The following BCL2 variants were observed in gnomAD, a reference collection of about 807,000 sequenced individuals.
BCL2 encodes BCL2 apoptosis regulator.
A neutral mutation model predicts 14.2 loss-of-function variants in BCL2; 1 was observed. That is an observed-to-expected ratio of 0.07 (90% confidence interval 0.02 to 0.33). The LOEUF (loss-of-function observed/expected upper bound fraction) is 0.33, where lower values mean the gene tolerates loss of function less well. Among genes scored for constraint, BCL2 ranks in the 10% least tolerant of loss-of-function variants. The probability of loss-of-function intolerance (pLI) is 0.99; values close to 1 mark genes in which losing one functional copy is unlikely to be tolerated. For synonymous variants in BCL2, 151 were observed against 137.2 expected (o/e 1.10, Z -0.70); for missense variants, 247 against 305.9 (o/e 0.81, Z 1.44).
intron 2 of BCL2, among the ~76,000 whole-genome samples, chr18:63,230,085 A>C (rs1599258386): frequency 6.6e-6 from 1 of 152,358 alleles, no homozygotes; most frequent in East Asian, 1.9e-4. Context: ...TAGAGAATGC[A>C]CATGAAATGT....
intron 2 of BCL2, among the ~76,000 whole-genome samples, chr18:63,274,627 A>G (rs1182538921): frequency 6.6e-6 from 1 of 152,092 alleles, no homozygotes; most frequent in East Asian, 1.9e-4. Flanking sequence ...CCTACACTGG[A>G]TATGCACAAA....
chr18:63,257,304 G>A (rs1339227022), intron 2 of BCL2, among the ~76,000 whole-genome samples: 2 of 152,182 alleles, frequency 1.3e-5, no homozygotes, highest in African/African-American at 2.4e-5. Flanking sequence ...ATTTCAATAT[G>A]TAATGCCAAA....
intron 2 of BCL2, among the ~76,000 whole-genome samples, chr18:63,255,832 C>CA (rs1911458778): frequency 6.6e-6 from 1 of 151,746 alleles, no homozygotes; most frequent in South Asian, 2.1e-4. Context: ...AGCCCTCCCC[C>CA]CCCGCCACAC....
intron 2 of BCL2, among the ~76,000 whole-genome samples, chr18:63,309,956 G>A (rs1323436326): frequency 6.6e-6 from 1 of 152,058 alleles, no homozygotes; most frequent in African/African-American, 2.4e-5. Flanking sequence ...TCCGCCTCCT[G>A]GGTTCAAGCA....
At position 63,124,518 on chromosome 18, in the gene BCL2, A is replaced by G. The variant is rs962787445; in HGVS notation, c.*4107T>C. The G allele has an allele frequency of 8.6e-6, 2 of 231,970 alleles. No individual in the cohort carries two copies. Among genetic ancestry groups the G allele is most frequent in the Non-Finnish European group, 1.7e-5 (2 of 117,284 alleles). The allele number at this position is 231,970 out of a possible 1,614,324, so 14.4% of individuals were successfully genotyped here. ...ACATCGACCCCAATACAGGTCCTTCATACCCTTAGTTCTGGTTATTCTGAA... is the reference window on the plus strand; with the variant it reads ...ACATCGACCCCAATACAGGTCCTTCGTACCCTTAGTTCTGGTTATTCTGAA... On this transcript the variant is annotated 3_prime_UTR_variant, in exon 3 of 3. Coordinates refer to ENST00000333681, the MANE Select transcript of BCL2 (RefSeq NM_000633.3).
chr18:63,262,088 T>TC (rs397727538), intron 2 of BCL2, among the ~76,000 whole-genome samples: 2 of 151,266 alleles, frequency 1.3e-5, no homozygotes, highest in Non-Finnish European at 3.0e-5. Flanking sequence ...CCAATTTTTT[T>TC]ATATTTTTAG....
intron 2 of BCL2, among the ~76,000 whole-genome samples, chr18:63,247,767 G>T (rs1391020326): frequency 6.6e-6 from 1 of 152,110 alleles, no homozygotes; most frequent in Non-Finnish European, 1.5e-5. Context: ...TGCCAAGCTG[G>T]CCTCCCCATC....
intron 2 of BCL2, among the ~76,000 whole-genome samples, chr18:63,176,006 T>C (rs1268290592): frequency 6.6e-6 from 1 of 152,156 alleles, no homozygotes; most frequent in Non-Finnish European, 1.5e-5. Context: ...AAATTGTGGA[T>C]GGAATTTTCA....
intron 2 of BCL2, among the ~76,000 whole-genome samples, chr18:63,275,064 T>A (rs1047653075): frequency 1.1e-4 from 17 of 152,076 alleles, no homozygotes; most frequent in Admixed American, 1.0e-3. Context: ...ATATTCACTC[T>A]TTTGCTCTAA....
At chr18:63,233,235 AG>A (rs1019441900) in intron 2 of BCL2, among the ~76,000 whole-genome samples, 2 of 152,242 alleles carry the variant, frequency 1.3e-5, no homozygotes, top group Non-Finnish European at 2.9e-5. Flanking sequence ...TGAATTTTGC[AG>A]GGAAAGAAAC....
At chr18:63,319,929 C>G (rs1203506212), upstream of BCL2, 1 of 165,688 alleles carries the variant, frequency 6.0e-6, no homozygotes, top group Non-Finnish European at 1.3e-5. Flanking sequence ...CCTGGTCCTG[C>G]GCGGCGGCGC....
chr18:63,212,619 G>A (rs532400972), intron 2 of BCL2, among the ~76,000 whole-genome samples: 47 of 152,058 alleles, frequency 3.1e-4, no homozygotes, highest in Non-Finnish European at 6.0e-4. Flanking sequence ...GCTCACAACT[G>A]TAATCCCAGC....
chr18:63,159,901 C>A (rs8094651), intron 2 of BCL2, among the ~76,000 whole-genome samples: 39,238 of 152,150 alleles, frequency 0.26, 6,435 homozygotes, highest in East Asian at 0.54. Context: ...CAACTCGAAT[C>A]GTTTTCAGCG....
At chr18:63,246,290 C>T (rs747609484) in intron 2 of BCL2, among the ~76,000 whole-genome samples, 4 of 152,218 alleles carry the variant, frequency 2.6e-5, no homozygotes, top group Non-Finnish European at 5.9e-5. Context: ...GCTGGCTCCT[C>T]ATCTCACAGG....
At position 63,125,361 on chromosome 18, in the gene BCL2, G is replaced by A. The variant is rs1913883520; in HGVS notation, c.*3264C>T. On this transcript the variant is annotated 3_prime_UTR_variant, in exon 3 of 3. Coordinates refer to ENST00000333681, the MANE Select transcript of BCL2 (RefSeq NM_000633.3). ...CTGCCCCTGCCAAATCTTCGGAGACGACCCGATGGCCATAGACCCTGTCAG... is the reference window on the plus strand; with the variant it reads ...CTGCCCCTGCCAAATCTTCGGAGACAACCCGATGGCCATAGACCCTGTCAG... 1 of 224,560 alleles carries A rather than the reference G, an allele frequency of 4.5e-6. No individual in the cohort carries two copies. Among genetic ancestry groups the A allele is most frequent in the Non-Finnish European group, 8.9e-6 (1 of 112,380 alleles). The allele number at this position is 224,560 out of a possible 1,614,324, so 13.9% of individuals were successfully genotyped here.
At chr18:63,214,310 T>C (rs2144678153) in intron 2 of BCL2, among the ~76,000 whole-genome samples, 1 of 152,306 alleles carries the variant, frequency 6.6e-6, no homozygotes, top group Non-Finnish European at 1.5e-5. Context: ...CCACCATCTC[T>C]GTAGGGGAGG....
chr18:63,295,173 T>A (rs1912764826), intron 2 of BCL2, among the ~76,000 whole-genome samples: 2 of 150,946 alleles, frequency 1.3e-5, no homozygotes, highest in South Asian at 4.2e-4. Context: ...CAAAAAAAGA[T>A]AATAATAGTA....
intron 2 of BCL2, among the ~76,000 whole-genome samples, chr18:63,279,376 G>A (rs913091088): frequency 6.6e-6 from 1 of 152,220 alleles, no homozygotes; most frequent in African/African-American, 2.4e-5. Context: ...AAATGGACAA[G>A]AGACTTGCAT....
chr18:63,196,138 C>A (rs1328329744), intron 2 of BCL2, among the ~76,000 whole-genome samples: 1 of 152,120 alleles, frequency 6.6e-6, no homozygotes, highest in Non-Finnish European at 1.5e-5. Flanking sequence ...GGAACAAATG[C>A]CAAGTTATCT....
Sources: gnomAD v4.1 joint callset for allele counts (sites outside exome capture counted in the v4.1 genomes callset) on GRCh38, gnomAD v4.1.1 for gene constraint, MANE v1.5 for transcripts, NCBI Gene and HGNC (gene_info 2026-07-23, HGNC 2026-07-21) for gene names.